Variants in NAGPA observed in about 807,000 individuals in gnomAD.
NAGPA encodes the protein alpha-N-acetylglucosaminyl phosphodiesterase.
Under a neutral mutation model 48.5 loss-of-function variants are expected in NAGPA, and 56 were observed. The observed-to-expected ratio is 1.15, with a 90% CI of 0.93 to 1.44. The LOEUF is 1.44. Ranked by LOEUF, NAGPA falls within the 40% of genes most tolerant of loss-of-function variation. NAGPA has a pLI of 0.00. For missense variants in NAGPA, 888 were observed against 735.0 expected (o/e 1.21, Z -2.41); for synonymous variants, 399 against 315.5 (o/e 1.26, Z -2.81).
chr16:5,029,229 G>C (rs1956060206), intron 4 of NAGPA: 1 of 688,520 alleles, frequency 1.5e-6, no homozygotes, highest in South Asian at 1.8e-5. Context: ...TTAAGGGAGG[G>C]GAAACGGCCC....
In NAGPA at chr16:5,031,856, T is replaced by A. The variant is rs778637588; in HGVS notation, c.571A>T (p.Thr191Ser). 1 of 1,614,162 alleles carries A rather than the reference T, an allele frequency of 6.2e-7. No homozygotes were observed. Among genetic ancestry groups the A allele is most frequent in the Admixed American group, 1.7e-5 (1 of 60,020 alleles). ...AGCAGCTGCACAAATGGGTTCTCAGTGTCCAGCACCTCCTCCTCAGACAGG... is the reference window on the plus strand; with the variant it reads ...AGCAGCTGCACAAATGGGTTCTCAGAGTCCAGCACCTCCTCCTCAGACAGG... The part of the protein sequence containing the change: ...GYLSEEEVLD[T>S]ENPFVQLLSG... The change falls in exon 3 of 10, where the codon ACT (threonine) becomes TCT (serine). Residue 191 changes from threonine to serine, a missense_variant. Thr to Ser is a moderately conservative substitution (Grantham distance 58). Transcript: ENST00000312251.
In NAGPA at chr16:5,033,324, C is replaced by A; in HGVS notation, c.491G>T (p.Gly164Val). ...GATCCCGAACTGCGCGTTCTGCAGC[C>A]CCCCGGAGCTGCTCACCCGCCGCTC... ...SDERRVSSSG[G>V]LQNAQFGIRR... The change falls in exon 2 of 10, where the codon GGG (glycine) becomes GTG (valine). Residue 164 changes from glycine (G) to valine (V), a missense_variant. Coordinates refer to ENST00000312251, the MANE Select transcript of NAGPA (RefSeq NM_016256.4). This position sits in a 1 kb window ranked among gnomAD's most constrained non-coding sequence, Gnocchi z 4.2. 6.3e-7 allele frequency: 1 copy of A among 1,597,696 alleles called. No homozygotes were observed. The highest frequency in any genetic ancestry group is 8.5e-7 in the Non-Finnish European group (1 of 1,179,504).
Position 5,033,629 on chromosome 16 carries a change from C to G in NAGPA, c.186G>C (p.Glu62Asp), listed in dbSNP as rs768153175. 9 of 1,531,714 alleles carry G rather than the reference C, an allele frequency of 5.9e-6. No individual in the cohort carries two copies. Among genetic ancestry groups the G allele is most frequent in the Non-Finnish European group, 7.8e-6 (9 of 1,151,086 alleles). The allele number at this position is 1,531,714 out of a possible 1,614,324, so 94.9% of individuals were successfully genotyped here. A position where few individuals can be genotyped will look rare whatever the true frequency, so the allele number is the denominator to read the frequency against. The change falls in exon 2 of 10, where the codon GAG (glutamate) becomes GAC (aspartate). Residue 62 changes from glutamate to aspartate, a missense_variant. Physicochemically the swap from Glu to Asp is conservative, Grantham distance 45 (BLOSUM62 2). Transcript: ENST00000312251. This position sits in a 1 kb window ranked among gnomAD's most constrained non-coding sequence, Gnocchi z 4.2. ...GAGTCGCGGGAGGCGGAGGCCAACT[C>G]TCGTGCTCGCGGTTGCCGGCGCGCA... The part of the protein sequence containing the change: ...TRVRAGNREH[E>D]SWPPPPATPG...
chr16:5,033,670 G>A lies in NAGPA; in HGVS notation c.145C>T (p.Arg49Trp). ...PYPRARARLPRDCTRVRAGNR... is the reference protein window; with the variant it reads ...PYPRARARLPWDCTRVRAGNR... ...CCGGCGCGCACCCGTGTGCAGTCCC[G>A]GGGGAGGCGCGCGCGCGCGCGTGGA... Residue 49 changes from arginine to tryptophan, a missense_variant, in exon 2 of 10, where the codon CGG becomes TGG. Coordinates refer to ENST00000312251, the MANE Select transcript of NAGPA (RefSeq NM_016256.4). This position sits in a 1 kb window ranked among gnomAD's most constrained non-coding sequence, Gnocchi z 4.2. The A allele has an allele frequency of 6.3e-7, 1 of 1,593,654 alleles. No homozygotes were observed. The highest frequency in any genetic ancestry group is 8.5e-7 in the Non-Finnish European group (1 of 1,174,950).
intron 3 of NAGPA, 109 bp downstream of exon 3, chr16:5,031,636 G>A (rs921975690): frequency 3.4e-6 from 5 of 1,462,188 alleles, no homozygotes; most frequent in Non-Finnish European, 4.8e-6. Flanking sequence ...GAATAGTGCT[G>A]GGCACAAAGT....
Position 5,033,296 on chromosome 16 carries a change from G to C in NAGPA, c.519C>G (p.Arg173=), listed in dbSNP as rs1314685654. 4.4e-6 allele frequency: 7 copies of C among 1,596,022 alleles called. No individual in the cohort carries two copies. The highest frequency in any genetic ancestry group is 5.9e-6 in the Non-Finnish European group (7 of 1,179,016). Residue 173 remains arginine (R), a synonymous_variant, in exon 2 of 10, where the codon CGC becomes CGG. Coordinates refer to ENST00000312251, the MANE Select transcript of NAGPA (RefSeq NM_016256.4). The surrounding 1 kb of genome is among the most constrained non-coding windows in gnomAD (Gnocchi z 4.2). ...GGLQNAQFGI[R]RDGTLVTGYL... is the part of the protein sequence containing the mutation. ...ACCCGGTGACCAGGGTCCCGTCGCG[G>C]CGGATCCCGAACTGCGCGTTCTGCA...
chr16:5,026,137 C>G (rs1955995964), intron 9 of NAGPA, among the ~76,000 whole-genome samples: 1 of 151,478 alleles, frequency 6.6e-6, no homozygotes, highest in African/African-American at 2.4e-5. Context: ...CCATGTTGGC[C>G]AGGCTGGTCT....
chr16:5,033,341 C>G lies in NAGPA; in HGVS notation c.474G>C (p.Arg158=), dbSNP rs931911313. Residue 158 remains arginine (R), a synonymous_variant, in exon 2 of 10, where the codon CGG becomes CGC. Coordinates refer to ENST00000312251, the MANE Select transcript of NAGPA (RefSeq NM_016256.4). This position sits in a 1 kb window ranked among gnomAD's most constrained non-coding sequence, Gnocchi z 4.2. ...TCTGCAGCCCCCCGGAGCTGCTCACCCGCCGCTCGTCGCTCACCACGTTCC... is the reference window on the plus strand; with the variant it reads ...TCTGCAGCCCCCCGGAGCTGCTCACGCGCCGCTCGTCGCTCACCACGTTCC... ...CLGNVVSDER[R]VSSSGGLQNA... The G allele has an allele frequency of 1.3e-6, 2 of 1,597,848 alleles. No individual in the cohort carries two copies. Among genetic ancestry groups the G allele is most frequent in the African/African-American group, 2.7e-5 (2 of 74,902 alleles).
chr16:5,031,938 G>T (rs1567141836), intron 2 of NAGPA, 54 bp from the exon 3 acceptor site: 1 of 1,612,094 alleles, frequency 6.2e-7, no homozygotes, highest in African/African-American at 1.3e-5. Flanking sequence ...ACTGCAGATA[G>T]TCAGGCTCTT....
In NAGPA at chr16:5,033,901, G is replaced by T; in HGVS notation, c.14C>A (p.Thr5Lys). 3.2e-6 allele frequency: 5 copies of T among 1,549,154 alleles called. No individual in the cohort carries two copies. Among genetic ancestry groups the T allele is most frequent in the Non-Finnish European group, 4.4e-6 (5 of 1,146,900 alleles). The change falls in exon 1 of 10, where the codon ACG becomes AAG. Residue 5 changes from threonine to lysine, a missense_variant. Physicochemically the swap from Thr to Lys is moderately conservative, Grantham distance 78 (BLOSUM62 -1). Transcript: ENST00000312251. The surrounding 1 kb of genome is among the most constrained non-coding windows in gnomAD (Gnocchi z 4.2). ...AAGCCGGAGGAGAAGCCAGCGACCC[G>T]TGGAGGTCGCCATATTGGACCGGGG... MATS[T>K]GRWLLLRLAL...
In NAGPA at chr16:5,033,707, C is replaced by T. The variant is rs2142572258; in HGVS notation, c.108G>A (p.Leu36=). The change falls in exon 2 of 10, where the codon TTG becomes TTA. Residue 36 remains leucine, a synonymous_variant. Coordinates refer to ENST00000312251, the MANE Select transcript of NAGPA (RefSeq NM_016256.4). The surrounding 1 kb of genome is among the most constrained non-coding windows in gnomAD (Gnocchi z 4.2). The part of the protein sequence containing the change: ...LDSGASRDDD[L]LLPYPRARAR... ...CGCGCGCGCGTGGATAGGGCAGTAG[C>T]AAGTCGTCGTCGCGGGAGGCCCTGC... 1 of 1,602,908 alleles carries T rather than the reference C, an allele frequency of 6.2e-7. No individual in the cohort carries two copies. Among genetic ancestry groups the T allele is most frequent in the African/African-American group, 1.3e-5 (1 of 74,918 alleles).
chr16:5,028,483 C>A, intron 5 of NAGPA: 1 of 643,218 alleles, frequency 1.6e-6, no homozygotes, highest in Non-Finnish European at 2.8e-6. Context: ...GAACCTCCCA[C>A]CTCGGCCTCC....
Position 5,028,191 on chromosome 16 carries a change from G to T in NAGPA, c.921-6C>A. ...AGCGCCACATGTTGTCCTGGCTGTAGAGGGATGTGATGTGTGAGGAGAGGA... is the reference window on the plus strand; with the variant it reads ...AGCGCCACATGTTGTCCTGGCTGTATAGGGATGTGATGTGTGAGGAGAGGA... On this transcript the variant is annotated splice_region_variant and splice_polypyrimidine_tract_variant and intron_variant, in intron 5 of 9. Coordinates refer to ENST00000312251, the MANE Select transcript of NAGPA (RefSeq NM_016256.4). 2 of 1,555,236 alleles carry T rather than the reference G, an allele frequency of 1.3e-6. No individual in the cohort carries two copies. The highest frequency in any genetic ancestry group is 1.7e-6 in the Non-Finnish European group (2 of 1,148,932).
Position 5,033,755 on chromosome 16 carries a change from AG to A in NAGPA, c.87-28del. The A allele has an allele frequency of 2.5e-6, 4 of 1,595,644 alleles. No homozygotes were observed. The highest frequency in any genetic ancestry group is 3.4e-6 in the Non-Finnish European group (4 of 1,172,548). Reference sequence around the variant, plus strand: ...TGCGGGGACGGGCGGCCGTGAGCTCAGGGGGCTGTCCTCGTGAGCTCGGAGG... The same window carrying A: ...TGCGGGGACGGGCGGCCGTGAGCTCAGGGGCTGTCCTCGTGAGCTCGGAGG... On this transcript the variant is annotated intron_variant, in intron 1 of 9. Transcript: ENST00000312251. The surrounding 1 kb of genome is among the most constrained non-coding windows in gnomAD (Gnocchi z 4.2).
At position 5,031,241 on chromosome 16, in the gene NAGPA, C is replaced by G. The variant is rs1596666447; in HGVS notation, c.682+504G>C. On this transcript the variant is annotated intron_variant, in intron 3 of 9. Coordinates refer to ENST00000312251, the MANE Select transcript of NAGPA (RefSeq NM_016256.4). Reference sequence around the variant, plus strand: ...TTAGCCACCACACCTAGCTTACTGCCCACTCTAAAATGGTCATGGTATCCT... The same window carrying G: ...TTAGCCACCACACCTAGCTTACTGCGCACTCTAAAATGGTCATGGTATCCT... The G allele has an allele frequency of 3.0e-5, 6 of 196,772 alleles. No homozygotes were observed. In the East Asian group the frequency reaches 7.6e-4, roughly 25 times the overall value. The allele number at this position is 196,772 out of a possible 1,614,324, so 12.2% of individuals were successfully genotyped here.
At chr16:5,032,844 ATT>A (rs760306518) in intron 2 of NAGPA, 4 of 230,268 alleles carry the variant, frequency 1.7e-5, no homozygotes, top group Non-Finnish European at 3.4e-5. Context: ...TCACTTAGTG[ATT>A]CATCTTCAAG....
rs1342700969 is a variant in NAGPA, at chr16:5,028,874, G to T, written c.920+6C>A. On this transcript the variant is annotated splice_donor_region_variant and intron_variant, in intron 5 of 9. Transcript: ENST00000312251. ...GCCCTCACGAAGGCGGCTCTCACGT[G>T]CTTACCAGTGATCTGACGGGTAACT... is the stretch of plus-strand genomic sequence containing the variant. 6.2e-7 allele frequency: 1 copy of T among 1,613,962 alleles called. No individual in the cohort carries two copies. The highest frequency in any genetic ancestry group is 1.1e-5 in the South Asian group (1 of 91,086).
chr16:5,026,823 G>A lies in NAGPA; in HGVS notation c.1340+312C>T, dbSNP rs143926755. On this transcript the variant is annotated intron_variant, in intron 9 of 9. Coordinates refer to ENST00000312251, the MANE Select transcript of NAGPA (RefSeq NM_016256.4). ...GGCTGAGGCGGGAGGATCGCAGTGAGCTGACTGTACTACAGCACTTCTGCC... is the reference window on the plus strand; with the variant it reads ...GGCTGAGGCGGGAGGATCGCAGTGAACTGACTGTACTACAGCACTTCTGCC... Among the ~76,000 whole-genome samples, 50 of 152,332 alleles carry A rather than the reference G, an allele frequency of 3.3e-4. No individual in the cohort carries two copies. In the East Asian group the frequency reaches 5.8e-3, roughly 18 times the overall value.
At position 5,033,080 on chromosome 16, in the gene NAGPA, T is replaced by G; in HGVS notation, c.542+193A>C. The G allele has an allele frequency of 1.5e-6, 1 of 686,816 alleles. No individual in the cohort carries two copies. Among genetic ancestry groups the G allele is most frequent in the Non-Finnish European group, 2.5e-6 (1 of 407,636 alleles). 42.5% of individuals were successfully genotyped at this position (686,816 alleles called of 1,614,324 possible). A position where few individuals can be genotyped will look rare whatever the true frequency, so the allele number is the denominator to read the frequency against. ...GGCTATCTCACCGGGGCGCGGCACA[T>G]TGCCTGATACAAGCAAGTGCTCAAT... On this transcript the variant is annotated intron_variant, in intron 2 of 9. Transcript: ENST00000312251. This position sits in a 1 kb window ranked among gnomAD's most constrained non-coding sequence, Gnocchi z 4.2.
Sources: allele counts gnomAD v4.1 joint callset (sites outside exome capture counted in the v4.1 genomes callset), GRCh38; gene constraint gnomAD v4.1.1; non-coding constraint Gnocchi (gnomAD v3.1); transcripts MANE v1.5; gene names NCBI Gene and HGNC (gene_info 2026-07-23, HGNC 2026-07-21).